Variants in SHANK2 observed in about 807,000 individuals in gnomAD.
SHANK2 encodes SH3 and multiple ankyrin repeat domains protein 2.
A neutral mutation model predicts 133.7 loss-of-function variants in SHANK2; 43 were observed. That is an observed-to-expected ratio of 0.32 (90% CI 0.25 to 0.41). The LOEUF is 0.41. Among genes scored for constraint, SHANK2 ranks in the 10% least tolerant of loss-of-function variants. The pLI, the probability that SHANK2 is intolerant of heterozygous loss-of-function variation, is 1.00. For missense variants in SHANK2, 1,994 were observed against 2,235.8 expected (o/e 0.89, Z 2.18); for synonymous variants, 1,017 against 952.8 (o/e 1.07, Z -1.24).
Position 70,486,996 on chromosome 11 carries a change from G to C in SHANK2, c.3297C>G (p.Ser1099=). Residue 1099 remains serine, a synonymous_variant, in exon 25 of 26, where the codon TCC becomes TCG. Coordinates refer to ENST00000601538, the MANE Select transcript of SHANK2 (RefSeq NM_012309.5). The surrounding 1 kb of genome is among the most constrained non-coding windows in gnomAD (Gnocchi z 8.0). ...CCAGGTCTGTGGAGAGGAAGGCCGG[G>C]GAGTTCCTCCTGGCTTCCAGCCGCT... ...REKRLEARRN[S]PAFLSTDLGD... 1.9e-6 allele frequency: 3 copies of C among 1,611,198 alleles called. No homozygotes were observed. Among genetic ancestry groups the C allele is most frequent in the Non-Finnish European group, 2.5e-6 (3 of 1,179,768 alleles).
rs1167507843 is a variant in SHANK2, at chr11:71,252,086, C to T, written c.-113+339G>A. The stretch of plus-strand genomic sequence containing the variant: ...AGGAAGGGGCAGGACGCGCCAGAGA[C>T]TACGTGGTCCATGCGCGCAGGAGAT... On this transcript the variant is annotated intron_variant, in intron 1 of 25. Coordinates refer to ENST00000601538, the MANE Select transcript of SHANK2 (RefSeq NM_012309.5). This position sits in a 1 kb window ranked among gnomAD's most constrained non-coding sequence, Gnocchi z 6.3. Among the ~76,000 whole-genome samples the T allele has an allele frequency of 6.6e-6, 1 of 152,176 alleles. No individual in the cohort carries two copies. Among genetic ancestry groups the T allele is most frequent in the East Asian group, 1.9e-4 (1 of 5,154 alleles).
At chr11:70,619,293 G>A (rs75880361) in intron 17 of SHANK2, among the ~76,000 whole-genome samples, 2,971 of 152,338 alleles carry the variant, frequency 0.02, 46 homozygotes, top group Non-Finnish European at 0.031. Flanking sequence ...AGAGAGCGGC[G>A]TTGGCAGGGC....
At chr11:71,143,469 G>C (rs552382433) in intron 3 of SHANK2, among the ~76,000 whole-genome samples, 2 of 152,304 alleles carry the variant, frequency 1.3e-5, no homozygotes, top group South Asian at 4.2e-4. Context: ...GTTGATCAAG[G>C]TGGTGGTCCG....
At chr11:70,588,145 T>C (rs895216305) in intron 17 of SHANK2, among the ~76,000 whole-genome samples, 2 of 152,162 alleles carry the variant, frequency 1.3e-5, no homozygotes, top group African/African-American at 4.8e-5. Context: ...TCCCATCTCC[T>C]TGGGCCTCCC....
chr11:71,195,218 C>T (rs1953877121), intron 2 of SHANK2, among the ~76,000 whole-genome samples: 2 of 152,066 alleles, frequency 1.3e-5, no homozygotes, highest in African/African-American at 4.8e-5. Context: ...CAGTGAAACC[C>T]TGTCTCTACT....
At chr11:70,574,326 CACTAAA>C (rs2060089004) in intron 17 of SHANK2, among the ~76,000 whole-genome samples, 1 of 152,228 alleles carries the variant, frequency 6.6e-6, no homozygotes, top group African/African-American at 2.4e-5. Context: ...TACCACAGGG[CACTAAA>C]TTCCCCACCT....
At chr11:70,573,938 C>T (rs1445492253) in intron 17 of SHANK2, among the ~76,000 whole-genome samples, 7 of 152,230 alleles carry the variant, frequency 4.6e-5, no homozygotes, top group African/African-American at 1.7e-4. Context: ...CACCCTGCCC[C>T]AGGGGCGGAT....
intron 14 of SHANK2, among the ~76,000 whole-genome samples, chr11:70,704,872 T>C (rs1419939060): frequency 3.3e-5 from 5 of 152,240 alleles, no homozygotes; most frequent in Non-Finnish European, 5.9e-5. Flanking sequence ...TTCTTAGCTC[T>C]CCTGTGGTTG....
intron 3 of SHANK2, among the ~76,000 whole-genome samples, chr11:71,126,763 G>A (rs1326339801): frequency 3.2e-5 from 4 of 124,382 alleles, no homozygotes; most frequent in African/African-American, 9.9e-5. Context: ...GTCTCATTCT[G>A]TCACCCAGGC....
At chr11:70,858,579 C>T (rs1555067208) in intron 11 of SHANK2, among the ~76,000 whole-genome samples, 1 of 152,230 alleles carries the variant, frequency 6.6e-6, no homozygotes, top group Non-Finnish European at 1.5e-5. Flanking sequence ...GTGAGCCCTG[C>T]TTCCTTCCTT....
intron 15 of SHANK2, among the ~76,000 whole-genome samples, chr11:70,662,376 GCGTC>G (rs1944576809): frequency 1.3e-5 from 2 of 152,200 alleles, no homozygotes; most frequent in Non-Finnish European, 2.9e-5. Flanking sequence ...GGCTGCCTGG[GCGTC>G]ATCCCGCGCG....
At chr11:71,163,503 G>A (rs1953070836) in intron 2 of SHANK2, among the ~76,000 whole-genome samples, 1 of 152,170 alleles carries the variant, frequency 6.6e-6, no homozygotes, top group Non-Finnish European at 1.5e-5. Flanking sequence ...CTGCACATCA[G>A]CCTACCAGCT....
chr11:70,871,486 G>A (rs752980367), intron 11 of SHANK2, among the ~76,000 whole-genome samples: 13 of 152,202 alleles, frequency 8.5e-5, no homozygotes, highest in Non-Finnish European at 1.5e-4. Context: ...CCTCCTTCAC[G>A]TGCTGAGGCC....
At chr11:70,817,983 C>G (rs2135331280) in intron 12 of SHANK2, among the ~76,000 whole-genome samples, 1 of 152,318 alleles carries the variant, frequency 6.6e-6, no homozygotes, top group East Asian at 1.9e-4. Flanking sequence ...GATCTGCCTG[C>G]CTTGGTCTCC....
intron 3 of SHANK2, among the ~76,000 whole-genome samples, chr11:71,143,039 G>C (rs1404887426): frequency 6.6e-5 from 10 of 152,142 alleles, no homozygotes; most frequent in African/African-American, 2.4e-4. Flanking sequence ...TTCAAGACCA[G>C]GCTGGGCAAC....
chr11:70,533,108 G>A (rs1038450600), intron 17 of SHANK2, among the ~76,000 whole-genome samples: 3 of 152,200 alleles, frequency 2.0e-5, no homozygotes, highest in Non-Finnish European at 4.4e-5. Context: ...TGGGAGGGAC[G>A]GCCCTTGGGG....
At chr11:70,556,776 G>A (rs2136108615) in intron 17 of SHANK2, among the ~76,000 whole-genome samples, 1 of 152,160 alleles carries the variant, frequency 6.6e-6, no homozygotes, top group East Asian at 1.9e-4. Context: ...ATTTTTAGTA[G>A]AGATGGGGTT....
intron 11 of SHANK2, among the ~76,000 whole-genome samples, chr11:70,856,603 A>G (rs1555066848): frequency 6.6e-6 from 1 of 152,208 alleles, no homozygotes; most frequent in Non-Finnish European, 1.5e-5. Flanking sequence ...TTGTATATAT[A>G]AAGGCAACCT....
At chr11:70,549,706 C>T (rs1330915247) in intron 17 of SHANK2, among the ~76,000 whole-genome samples, 3 of 152,170 alleles carry the variant, frequency 2.0e-5, no homozygotes, top group African/African-American at 7.2e-5. Context: ...TGTATTAGGA[C>T]CTCGAAGGAA....
Sources: allele counts gnomAD v4.1 joint callset (sites outside exome capture counted in the v4.1 genomes callset), GRCh38; gene constraint gnomAD v4.1.1; non-coding constraint Gnocchi (gnomAD v3.1); transcripts MANE v1.5; gene names NCBI Gene and HGNC (gene_info 2026-07-23, HGNC 2026-07-21).